ART3: variants seen among roughly 807,000 people sequenced by gnomAD.
ART3 encodes ecto-ADP-ribosyltransferase 3.
A neutral mutation model predicts 48.5 loss-of-function variants in ART3; 49 were observed. The ratio of observed to expected loss-of-function variants is 1.01; its 90% CI spans 0.80 to 1.28. The LOEUF (loss-of-function observed/expected upper bound fraction) is 1.28, where lower values mean the gene tolerates loss of function less well. Among genes scored for constraint, ART3 ranks in the 50% most tolerant of loss-of-function variants. The probability of loss-of-function intolerance (pLI) is 0.00; values close to 1 mark genes in which losing one functional copy is unlikely to be tolerated. For synonymous variants in ART3, 145 were observed against 157.2 expected (o/e 0.92, Z 0.58); for missense variants, 438 against 454.3 (o/e 0.96, Z 0.33).
chr4:76,040,448 A>ACACGCACACG (rs766890498), intron 1 of ART3, among the ~76,000 whole-genome samples: 3 of 146,414 alleles, frequency 2.0e-5, no homozygotes, highest in Non-Finnish European at 3.0e-5. Context: ...ACACACACAC[A>ACACGCACACG]CACACACACA....
intron 1 of ART3, among the ~76,000 whole-genome samples, chr4:76,054,859 A>C (rs547010142): frequency 3.7e-4 from 56 of 152,324 alleles, no homozygotes; most frequent in Admixed American, 1.1e-3. Flanking sequence ...TATTTAGGCT[A>C]TGTTTTCTAA....
At chr4:76,065,450 A>T (rs576322587) in intron 1 of ART3, among the ~76,000 whole-genome samples, 2 of 152,124 alleles carry the variant, frequency 1.3e-5, no homozygotes, top group Admixed American at 1.3e-4. Context: ...CCACATAGAC[A>T]GTAGTCCTGG....
At chr4:76,041,407 T>G (rs936370971) in intron 1 of ART3, 4 of 152,222 alleles carry the variant, frequency 2.6e-5, no homozygotes, top group Non-Finnish European at 5.9e-5. Flanking sequence ...GTTTAAGTCT[T>G]GATGTCTTCA....
At chr4:76,073,465 G>A (rs1366775052), upstream of ART3, among the ~76,000 whole-genome samples, 3 of 152,160 alleles carry the variant, frequency 2.0e-5, no homozygotes, top group Admixed American at 2.0e-4. Flanking sequence ...CAGTGAGGTG[G>A]GAAAAGGTTG....
chr4:76,063,367 A>T (rs1719418295), intron 1 of ART3, among the ~76,000 whole-genome samples: 1 of 152,216 alleles, frequency 6.6e-6, no homozygotes. Context: ...ATTCAGGAAG[A>T]GTTAAAAGCA....
intron 1 of ART3, among the ~76,000 whole-genome samples, chr4:76,057,222 G>A (rs1429786697): frequency 2.6e-5 from 4 of 152,120 alleles, no homozygotes; most frequent in Non-Finnish European, 5.9e-5. Flanking sequence ...CGATCTACTA[G>A]GAAATACCTT....
chr4:76,064,951 C>A (rs368297059), intron 1 of ART3, among the ~76,000 whole-genome samples: 5 of 151,952 alleles, frequency 3.3e-5, no homozygotes, highest in African/African-American at 1.2e-4. Context: ...CCTGCCTCAG[C>A]GTCCTGAGTA....
intron 1 of ART3, among the ~76,000 whole-genome samples, chr4:76,031,854 T>C (rs564650619): frequency 6.6e-6 from 1 of 152,300 alleles, no homozygotes; most frequent in South Asian, 2.1e-4. Flanking sequence ...TAATTACAAT[T>C]GCAGTAAGTA....
chr4:76,044,889 C>G (rs1018163935), intron 1 of ART3, among the ~76,000 whole-genome samples: 1 of 152,134 alleles, frequency 6.6e-6, no homozygotes, highest in Non-Finnish European at 1.5e-5. Context: ...TGTGCAATAA[C>G]TCCATAACTT....
intron 11 of ART3, among the ~76,000 whole-genome samples, chr4:76,110,580 TAA>T (rs5859494): frequency 2.0e-5 from 3 of 150,930 alleles, no homozygotes; most frequent in Non-Finnish European, 4.4e-5. Flanking sequence ...GAAAAATTGC[TAA>T]AAAAAAATGC....
chr4:76,112,331 G>A, intron 11 of ART3, 55 bp from the exon 12 acceptor site: 7 of 1,554,506 alleles, frequency 4.5e-6, no homozygotes, highest in Non-Finnish European at 6.1e-6. Context: ...TTTATAGGTG[G>A]ATGATACTTG....
chr4:76,088,567 C>T (rs1724129695), intron 3 of ART3, among the ~76,000 whole-genome samples: 1 of 152,242 alleles, frequency 6.6e-6, no homozygotes, highest in South Asian at 2.1e-4. Flanking sequence ...CCCTTGTGTG[C>T]TTATTAAATG....
At chr4:76,030,583 T>G (rs1200861298) in intron 1 of ART3, among the ~76,000 whole-genome samples, 1 of 152,230 alleles carries the variant, frequency 6.6e-6, no homozygotes, top group Admixed American at 6.5e-5. Context: ...CATAATTTAG[T>G]TCCAGAACAT....
intron 5 of ART3, 114 bp downstream of exon 5, chr4:76,099,101 A>C (rs1406807482): frequency 3.2e-6 from 3 of 946,662 alleles, no homozygotes; most frequent in Admixed American, 2.0e-5. Flanking sequence ...CAGGAGTTTG[A>C]GACCAGCCTG....
At chr4:76,034,829 A>G in intron 1 of ART3, 1 of 1,553,672 alleles carries the variant, frequency 6.4e-7, no homozygotes, top group South Asian at 1.1e-5. Context: ...GGAATAAGAA[A>G]ACAAGAGTTT....
At chr4:76,037,135 C>T (rs1056278637) in intron 1 of ART3, 1 of 153,272 alleles carries the variant, frequency 6.5e-6, no homozygotes, top group Non-Finnish European at 1.5e-5. Context: ...TTACTTAGTA[C>T]ATGAAGTTGT....
intron 1 of ART3, among the ~76,000 whole-genome samples, chr4:76,015,430 A>T (rs754652371): frequency 6.6e-6 from 1 of 152,202 alleles, no homozygotes; most frequent in Non-Finnish European, 1.5e-5. Flanking sequence ...TACAGAAAAG[A>T]AAAGAGGGGA....
chr4:76,062,045 G>T (rs1005066133), intron 1 of ART3, among the ~76,000 whole-genome samples: 1 of 152,170 alleles, frequency 6.6e-6, no homozygotes, highest in African/African-American at 2.4e-5. Context: ...TTTGAGTTTG[G>T]TATTTGGAGT....
chr4:76,112,298 T>C (rs1729642912), intron 11 of ART3, 88 bp from the exon 12 acceptor site: 36 of 1,454,542 alleles, frequency 2.5e-5, no homozygotes, highest in South Asian at 8.7e-5. Context: ...TTTAGTGTCA[T>C]TGTTTACATA....
Sources: gnomAD v4.1 joint callset for allele counts (sites outside exome capture counted in the v4.1 genomes callset) on GRCh38, gnomAD v4.1.1 for gene constraint, MANE v1.5 for transcripts, NCBI Gene and HGNC (gene_info 2026-07-23, HGNC 2026-07-21) for gene names.